BIN2: variants seen among roughly 807,000 people sequenced by gnomAD.
BIN2 encodes the protein bridging integrator 2.
A neutral mutation model predicts 67.9 loss-of-function variants in BIN2; 43 were observed. That is an observed-to-expected ratio of 0.63 (90% CI 0.50 to 0.82). The LOEUF (loss-of-function observed/expected upper bound fraction) is 0.82. Among genes scored for constraint, BIN2 ranks in the 40% least tolerant of loss-of-function variants. The pLI, the probability that BIN2 is intolerant of heterozygous loss-of-function variation, is 0.00. For missense variants in BIN2, 581 were observed against 671.6 expected, an observed-to-expected ratio of 0.87 and a Z score of 1.49; for synonymous variants, 244 against 246.8, an observed-to-expected ratio of 0.99 and a Z score of 0.11.
At chr12:51,288,014 G>C in intron 11 of BIN2, 94 bp downstream of exon 11, 1 of 845,900 alleles carries the variant, frequency 1.2e-6, no homozygotes, top group Non-Finnish European at 1.9e-6. Flanking sequence ...AAGACTGAAG[G>C]CCTCTGAAAG....
intron 11 of BIN2, among the ~76,000 whole-genome samples, chr12:51,286,858 C>T (rs1327516718): frequency 6.6e-6 from 1 of 152,090 alleles, no homozygotes; most frequent in African/African-American, 2.4e-5. Flanking sequence ...GGGTCTCACT[C>T]TGTTGCCCAG....
Position 51,313,871 on chromosome 12 carries a change from G to T in BIN2, c.114C>A (p.Thr38=), listed in dbSNP as rs143305160. 5 of 1,613,870 alleles carry T rather than the reference G, an allele frequency of 3.1e-6. No individual in the cohort carries two copies. In the East Asian group the frequency reaches 1.1e-4, roughly 36 times the overall value. The change falls in exon 2 of 13, where the codon ACC becomes ACA. Residue 38 remains threonine, a synonymous_variant. Transcript: ENST00000615107. ...CGCTTTGTTCAAATCGTTCATCTTT[G>T]GTTTCTACAGCTTTCCCCAATTTCT... The part of the protein sequence containing the change: ...VLQKLGKAVE[T]KDERFEQSAS...
chr12:51,299,992 C>T (rs1945680217), intron 5 of BIN2, among the ~76,000 whole-genome samples: 2 of 152,046 alleles, frequency 1.3e-5, no homozygotes, highest in African/African-American at 4.8e-5. Context: ...GCATGTGCAC[C>T]AAGCCCGGCT....
intron 11 of BIN2, among the ~76,000 whole-genome samples, chr12:51,285,910 C>A (rs1331862924): frequency 6.6e-6 from 1 of 152,068 alleles, no homozygotes; most frequent in East Asian, 1.9e-4. Context: ...TGGCACCTGG[C>A]CAACAGAACC....
At chr12:51,312,577 T>C (rs1223346711) in intron 2 of BIN2, among the ~76,000 whole-genome samples, 2 of 152,224 alleles carry the variant, frequency 1.3e-5, no homozygotes, top group African/African-American at 2.4e-5. Context: ...TGTTTCATAA[T>C]AATCAAGGAT....
intron 2 of BIN2, among the ~76,000 whole-genome samples, chr12:51,309,437 C>G (rs754860464): frequency 2.0e-5 from 3 of 152,180 alleles, no homozygotes; most frequent in Non-Finnish European, 2.9e-5. Flanking sequence ...TCCTGGCACA[C>G]AGCAGGTGCT....
chr12:51,290,864 C>T (rs1304078574), intron 10 of BIN2, among the ~76,000 whole-genome samples: 1 of 152,180 alleles, frequency 6.6e-6, no homozygotes, highest in Non-Finnish European at 1.5e-5. Flanking sequence ...ACCCGGGAGG[C>T]GGAGCTTGCA....
At chr12:51,305,894 C>T (rs576556686) in intron 2 of BIN2, among the ~76,000 whole-genome samples, 2 of 127,862 alleles carry the variant, frequency 1.6e-5, no homozygotes, top group African/African-American at 3.0e-5. Context: ...AGTGCAGTGG[C>T]GTGATCTTGG....
At chr12:51,296,831 C>T (rs1257962177) in intron 8 of BIN2, among the ~76,000 whole-genome samples, 4 of 152,128 alleles carry the variant, frequency 2.6e-5, no homozygotes, top group Non-Finnish European at 5.9e-5. Flanking sequence ...ATAGGCCTAA[C>T]CTCCTTTATT....
chr12:51,281,460 G>A lies in BIN2; in HGVS notation c.*39C>T, dbSNP rs1288014732. The A allele has an allele frequency of 3.1e-6, 5 of 1,602,722 alleles. No homozygotes were observed. Among genetic ancestry groups the A allele is most frequent in the Middle Eastern group, 1.7e-4 (1 of 6,044 alleles). On this transcript the variant is annotated 3_prime_UTR_variant, in exon 13 of 13. Transcript: ENST00000615107. The stretch of plus-strand genomic sequence containing the variant: ...TACCCTCTGGTTGAAGAGCTTCTCT[G>A]GCGAGGTTTGGGGCAGGAGGAGTCT...
chr12:51,299,735 AG>A (rs1331886254), intron 5 of BIN2, 21 bp from the exon 6 acceptor site: 1 of 1,608,268 alleles, frequency 6.2e-7, no homozygotes, highest in African/African-American at 1.3e-5. Context: ...GTAATGAGAA[AG>A]GGTGTGGATA....
chr12:51,314,982 T>G (rs1946084775), intron 1 of BIN2, among the ~76,000 whole-genome samples: 1 of 151,792 alleles, frequency 6.6e-6, no homozygotes, highest in Non-Finnish European at 1.5e-5. Flanking sequence ...GCCTCCCCAG[T>G]AGCTGGGACC....
chr12:51,282,945 T>TA (rs893827552), intron 12 of BIN2, among the ~76,000 whole-genome samples: 13 of 150,240 alleles, frequency 8.7e-5, no homozygotes, highest in Admixed American at 6.7e-4. Flanking sequence ...TCCTACTTAT[T>TA]AAAAAAAAAG....
intron 1 of BIN2, among the ~76,000 whole-genome samples, chr12:51,315,314 G>T (rs1372509883): frequency 7.3e-5 from 11 of 151,710 alleles, no homozygotes; most frequent in Non-Finnish European, 1.5e-4. Flanking sequence ...CGGACTACAG[G>T]CGCCCGCCAC....
At chr12:51,295,657 T>A (rs1945547072) in intron 9 of BIN2, 139 bp downstream of exon 9, 3 of 333,108 alleles carry the variant, frequency 9.0e-6, no homozygotes, top group African/African-American at 6.8e-5. Context: ...ATAATTTATA[T>A]AGGAGCATAG....
chr12:51,313,838 G>T lies in BIN2; in HGVS notation c.147C>A (p.Asn49Lys), dbSNP rs1176986357. The part of the protein sequence containing the change: ...KDERFEQSAS[N>K]FYQQQAEGHK... Reference sequence around the variant, plus strand: ...TCCAGATTACCTGTTGTTGGTAGAAGTTGCTAGCGCTTTGTTCAAATCGTT... The same window carrying T: ...TCCAGATTACCTGTTGTTGGTAGAATTTGCTAGCGCTTTGTTCAAATCGTT... The change falls in exon 2 of 13, where the codon AAC (asparagine) becomes AAA (lysine). Residue 49 changes from asparagine to lysine, a missense_variant. By Grantham distance (94) the Asn-to-Lys change is moderately conservative. Transcript: ENST00000615107. The T allele has an allele frequency of 1.2e-6, 2 of 1,613,594 alleles. No individual in the cohort carries two copies. The highest frequency in any genetic ancestry group is 3.3e-5 in the Admixed American group (2 of 60,002).
intron 11 of BIN2, among the ~76,000 whole-genome samples, 161 bp downstream of exon 11, chr12:51,287,947 G>A (rs1012716563): frequency 4.6e-5 from 7 of 152,130 alleles, no homozygotes; most frequent in Non-Finnish European, 8.8e-5. Flanking sequence ...CACCGCGCCC[G>A]GCCAGGACAA....
chr12:51,311,606 C>T (rs1945997649), intron 2 of BIN2, among the ~76,000 whole-genome samples: 1 of 152,016 alleles, frequency 6.6e-6, no homozygotes, highest in South Asian at 2.1e-4. Flanking sequence ...GTCTTGAATT[C>T]CTAGGCTCAA....
intron 8 of BIN2, 95 bp from the exon 9 acceptor site, chr12:51,295,973 A>G: frequency 1.1e-6 from 1 of 938,298 alleles, no homozygotes; most frequent in Non-Finnish European, 1.7e-6. Context: ...TTCCCAAAAT[A>G]AAACCTCCCC....
Sources: gnomAD v4.1 joint callset for allele counts (sites outside exome capture counted in the v4.1 genomes callset) on GRCh38, gnomAD v4.1.1 for gene constraint, MANE v1.5 for transcripts, NCBI Gene and HGNC (gene_info 2026-07-23, HGNC 2026-07-21) for gene names.